RGS7: variants seen among roughly 807,000 people sequenced by gnomAD.
RGS7 encodes the protein regulator of G protein signaling 7, also known as regulator of G-protein signaling 7.
Under a neutral mutation model 81.1 loss-of-function variants are expected in RGS7, and 27 were observed. The observed-to-expected ratio is 0.33, with a 90% CI of 0.25 to 0.46. The LOEUF (loss-of-function observed/expected upper bound fraction) is 0.46. Ranked by LOEUF, RGS7 falls within the 20% of genes least tolerant of loss-of-function variation. The pLI is 1.00. For missense variants in RGS7, 396 were observed against 607.4 expected, an observed-to-expected ratio of 0.65 and a Z score of 3.66; for synonymous variants, 208 against 207.7, an observed-to-expected ratio of 1.00 and a Z score of -0.01.
At chr1:241,208,297 G>T (rs6664150) in intron 2 of RGS7, among the ~76,000 whole-genome samples, 2,291 of 152,220 alleles carry the variant, frequency 0.015, 48 homozygotes, top group African/African-American at 0.052. Flanking sequence ...TCATGGCCAT[G>T]TCTAAGCCAC....
At position 241,045,823 on chromosome 1, in the gene RGS7, A is replaced by G. The variant is rs537036547; in HGVS notation, c.175+52843T>C. Among the ~76,000 whole-genome samples, 80 of 152,280 alleles carry G rather than the reference A, an allele frequency of 5.3e-4. 1 individual carries two copies. The highest frequency in any genetic ancestry group is 7.8e-4 in the Admixed American group (12 of 15,294). ...ACCAGGAAGTCTCCCTGTGGTTTCT[A>G]TTCTCTTTAAAGTATTTCAAGAGAG... is the stretch of plus-strand genomic sequence containing the variant. On this transcript the variant is annotated intron_variant, in intron 3 of 18. Coordinates refer to ENST00000440928, the MANE Select transcript of RGS7 (RefSeq NM_001364886.1).
rs1438768456 is a variant in RGS7 at position 241,160,092 on chromosome 1, CA to C, written c.79-61331del. On this transcript the variant is annotated intron_variant, in intron 2 of 18. Transcript: ENST00000440928. ...CACCACGGCACTATAGCCTGGGTGA[CA>C]GAGCGAGACTCCATCTCAAAAAAAA... Among the ~76,000 whole-genome samples the C allele has an allele frequency of 3.6e-4, 40 of 110,658 alleles. No individual in the cohort carries two copies. In the Admixed American group the frequency reaches 4.8e-3, roughly 13 times the overall value. The allele number at this position is 110,658 out of a possible 152,430, so 72.6% of individuals were successfully genotyped here. A position where few individuals can be genotyped will look rare whatever the true frequency, so the allele number is the denominator to read the frequency against.
intron 9 of RGS7, among the ~76,000 whole-genome samples, chr1:240,848,896 G>C (rs1342449): frequency 0.78 from 118,162 of 152,080 alleles, 46,100 homozygotes; most frequent in Middle Eastern, 0.87. Context: ...AGAGCAACAA[G>C]TAAAAGGTGT....
chr1:241,335,782 G>A (rs922068638), intron 2 of RGS7, among the ~76,000 whole-genome samples: 2 of 152,092 alleles, frequency 1.3e-5, no homozygotes, highest in Non-Finnish European at 2.9e-5. Context: ...TTGATTTACA[G>A]CATTTGCCAC....
At chr1:240,976,734 T>C (rs1420368402) in intron 4 of RGS7, among the ~76,000 whole-genome samples, 1 of 133,576 alleles carries the variant, frequency 7.5e-6, no homozygotes, top group Non-Finnish European at 1.6e-5. Flanking sequence ...TCTCTATCTA[T>C]CTATCTATCT....
At chr1:241,199,434 C>CT (rs1449561620) in intron 2 of RGS7, among the ~76,000 whole-genome samples, 3 of 151,764 alleles carry the variant, frequency 2.0e-5, no homozygotes, top group African/African-American at 7.3e-5. Context: ...AAAAAAAGGA[C>CT]TTTATTTATT....
intron 6 of RGS7, among the ~76,000 whole-genome samples, chr1:240,882,063 C>T (rs1253630263): frequency 2.0e-5 from 3 of 152,056 alleles, no homozygotes; most frequent in African/African-American, 7.2e-5. Flanking sequence ...TACAGGCATG[C>T]ATAGCCAGGC....
intron 2 of RGS7, among the ~76,000 whole-genome samples, chr1:241,176,380 C>T (rs1455151381): frequency 6.6e-6 from 1 of 152,162 alleles, no homozygotes; most frequent in Non-Finnish European, 1.5e-5. Flanking sequence ...AGTTTGCTTG[C>T]TTGCTTAAGC....
At chr1:240,893,438 A>G (rs1162788614) in intron 6 of RGS7, among the ~76,000 whole-genome samples, 1 of 152,154 alleles carries the variant, frequency 6.6e-6, no homozygotes, top group Non-Finnish European at 1.5e-5. Flanking sequence ...TCCCTGATTC[A>G]TTTAGCTTAT....
At chr1:241,299,935 C>CA (rs35939099) in intron 2 of RGS7, among the ~76,000 whole-genome samples, 1,070 of 58,068 alleles carry the variant, frequency 0.018, 41 homozygotes, top group African/African-American at 0.056. Context: ...CTCGTTTCTC[C>CA]AAAAAAAAAA....
chr1:241,192,800 G>A (rs1192185258), intron 2 of RGS7, among the ~76,000 whole-genome samples: 3 of 152,084 alleles, frequency 2.0e-5, no homozygotes, highest in African/African-American at 7.2e-5. Flanking sequence ...CAAGTTCAGA[G>A]CCCCACAGTA....
chr1:241,227,755 G>GA (rs1308528080), intron 2 of RGS7, among the ~76,000 whole-genome samples: 3 of 151,810 alleles, frequency 2.0e-5, no homozygotes, highest in Non-Finnish European at 4.4e-5. Flanking sequence ...GTCACCTCCA[G>GA]AAAAAAAGAA....
chr1:240,799,287 TTGTGTGTG>T (rs71678488), intron 18 of RGS7, among the ~76,000 whole-genome samples: 3 of 142,420 alleles, frequency 2.1e-5, no homozygotes, highest in Non-Finnish European at 3.1e-5. Context: ...GTGTCTATGT[TTGTGTGTG>T]TGTGTGTGTG....
At chr1:240,794,770 C>A (rs565654581) in intron 18 of RGS7, among the ~76,000 whole-genome samples, 1 of 152,256 alleles carries the variant, frequency 6.6e-6, no homozygotes, top group South Asian at 2.1e-4. Context: ...AGACGTGGCA[C>A]CTGTATTATT....
At chr1:241,217,960 T>C (rs2074672151) in intron 2 of RGS7, among the ~76,000 whole-genome samples, 1 of 152,224 alleles carries the variant, frequency 6.6e-6, no homozygotes, top group African/African-American at 2.4e-5. Flanking sequence ...TTTCTAGATC[T>C]TGAAGCATTA....
intron 4 of RGS7, among the ~76,000 whole-genome samples, chr1:240,961,209 TTAAAA>T (rs1317575967): frequency 6.6e-6 from 1 of 152,024 alleles, no homozygotes; most frequent in Non-Finnish European, 1.5e-5. Context: ...ATCAAAAAAA[TTAAAA>T]TATCACCATT....
intron 2 of RGS7, among the ~76,000 whole-genome samples, chr1:241,233,400 C>T (rs1308762990): frequency 6.6e-6 from 1 of 152,156 alleles, no homozygotes; most frequent in Non-Finnish European, 1.5e-5. Context: ...CCATTCGCAG[C>T]CTCTGGTAGC....
intron 3 of RGS7, among the ~76,000 whole-genome samples, chr1:241,066,512 A>G (rs1402360570): frequency 4.6e-5 from 7 of 152,224 alleles, no homozygotes; most frequent in Admixed American, 4.6e-4. Flanking sequence ...TAAAAATAAA[A>G]CAACATGTAA....
At chr1:241,212,424 C>G (rs1315895015) in intron 2 of RGS7, among the ~76,000 whole-genome samples, 1 of 152,170 alleles carries the variant, frequency 6.6e-6, no homozygotes, top group Non-Finnish European at 1.5e-5. Flanking sequence ...TGTTTCCATC[C>G]TGAAATTCTT....
Sources: allele counts gnomAD v4.1 joint callset (sites outside exome capture counted in the v4.1 genomes callset), GRCh38; gene constraint gnomAD v4.1.1; transcripts MANE v1.5; gene names NCBI Gene and HGNC (gene_info 2026-07-23, HGNC 2026-07-21).